The following EPHA5 variants were observed in gnomAD, a reference collection of about 807,000 sequenced individuals.
EPHA5 encodes the protein ephrin type-A receptor 5.
Under a neutral mutation model 105.0 loss-of-function variants are expected in EPHA5, and 60 were observed. The observed-to-expected ratio is 0.57, with a 90% CI of 0.46 to 0.71. EPHA5 has a LOEUF of 0.71. Among genes scored for constraint, EPHA5 ranks in the 30% least tolerant of loss-of-function variants. EPHA5 has a pLI of 0.00. For missense variants in EPHA5, 1,218 were observed against 1,274.7 expected (o/e 0.96, Z 0.68); for synonymous variants, 513 against 449.1 (o/e 1.14, Z -1.80).
chr4:65,456,649 CAAT>C (rs1038867057), intron 5 of EPHA5, among the ~76,000 whole-genome samples: 1 of 151,986 alleles, frequency 6.6e-6, no homozygotes, highest in African/African-American at 2.4e-5. Flanking sequence ...CATGAGAACA[CAAT>C]TATTTTAGTG....
intron 3 of EPHA5, among the ~76,000 whole-genome samples, chr4:65,595,299 T>C (rs946473138): frequency 1.3e-5 from 2 of 152,132 alleles, no homozygotes; most frequent in Non-Finnish European, 2.9e-5. Context: ...GATACAGGAA[T>C]TCTATAGGCT....
At chr4:65,392,041 A>C (rs1720766198) in intron 8 of EPHA5, among the ~76,000 whole-genome samples, 1 of 152,168 alleles carries the variant, frequency 6.6e-6, no homozygotes, top group Non-Finnish European at 1.5e-5. Flanking sequence ...CAATTGAGCC[A>C]GTAACCCTCT....
chr4:65,479,910 T>C (rs1302416185), intron 5 of EPHA5, among the ~76,000 whole-genome samples: 1 of 152,150 alleles, frequency 6.6e-6, no homozygotes, highest in African/African-American at 2.4e-5. Flanking sequence ...GGTTGCTCTT[T>C]AGTGTAGATA....
intron 2 of EPHA5, among the ~76,000 whole-genome samples, chr4:65,627,341 T>C (rs995497927): frequency 6.6e-6 from 1 of 152,214 alleles, no homozygotes; most frequent in Non-Finnish European, 1.5e-5. Flanking sequence ...CCCATTAATA[T>C]ATTAAAAGTT....
In EPHA5 at chr4:65,574,160, C is replaced by T. The variant is rs187995090; in HGVS notation, c.910+27481G>A. 36 of 1,606,624 alleles carry T rather than the reference C, an allele frequency of 2.2e-5. No homozygotes were observed. In the African/African-American group the frequency reaches 3.9e-4, roughly 17 times the overall value. ...CCAGACACCAGGAAGGTGAGATCTT[C>T]GACACAGAAAAAGGGAAATATGAGA... On this transcript the variant is annotated intron_variant, in intron 3 of 16. Coordinates refer to ENST00000613740, the MANE Select transcript of EPHA5 (RefSeq NM_001281766.3).
intron 5 of EPHA5, among the ~76,000 whole-genome samples, chr4:65,453,194 TA>T (rs1268097811): frequency 1.1e-4 from 16 of 152,178 alleles, no homozygotes; most frequent in African/African-American, 3.6e-4. Context: ...AAATATTCAA[TA>T]AAAATAATAT....
intron 7 of EPHA5, among the ~76,000 whole-genome samples, chr4:65,406,152 TA>T (rs1255284228): frequency 3.3e-5 from 5 of 152,328 alleles, no homozygotes; most frequent in African/African-American, 1.2e-4. Context: ...TGCTGCCTTA[TA>T]AACTACTCTG....
At chr4:65,414,158 G>T (rs896477653) in intron 7 of EPHA5, 126 bp downstream of exon 7, 3 of 819,284 alleles carry the variant, frequency 3.7e-6, no homozygotes, top group Admixed American at 4.2e-5. Context: ...TACCTGAAGG[G>T]GTCATGCCTG....
chr4:65,405,150 T>C (rs1722239973), intron 7 of EPHA5, among the ~76,000 whole-genome samples: 2 of 152,192 alleles, frequency 1.3e-5, no homozygotes, highest in Admixed American at 1.3e-4. Flanking sequence ...TACATAGATT[T>C]AGATGAAACA....
chr4:65,563,768 A>G (rs539412940), intron 3 of EPHA5, among the ~76,000 whole-genome samples: 1 of 152,154 alleles, frequency 6.6e-6, no homozygotes, highest in South Asian at 2.1e-4. Context: ...GAGGAAAATA[A>G]AGCTATTTTT....
chr4:65,576,085 AAAG>A lies in EPHA5; in HGVS notation c.910+25553_910+25555del, dbSNP rs1257925074. Reference sequence around the variant, plus strand: ...AAAGAAAAGAAAAGAAAAGAAAAGAAAAGAAAAGAAAAGAAAAGAAAAGAAAAG... The same window carrying A: ...AAAGAAAAGAAAAGAAAAGAAAAGAAAAAAGAAAAGAAAAGAAAAGAAAAG... On this transcript the variant is annotated intron_variant, in intron 3 of 16. Coordinates refer to ENST00000613740, the MANE Select transcript of EPHA5 (RefSeq NM_001281766.3). 8.8e-4 allele frequency among the ~76,000 whole-genome samples: 90 copies of A among 101,730 alleles called. 2 individuals carry two copies. Among genetic ancestry groups the A allele is most frequent in the African/African-American group, 2.3e-3 (67 of 28,596 alleles). The allele number at this position is 101,730 out of a possible 152,430, so 66.7% of individuals were successfully genotyped here.
intron 1 of EPHA5, among the ~76,000 whole-genome samples, chr4:65,657,506 G>A (rs78351125): frequency 0.073 from 11,081 of 152,092 alleles, 1,326 homozygotes; most frequent in African/African-American, 0.25. Context: ...CTCATTATAC[G>A]TCTAGCAAAT....
rs544276177 is a variant in EPHA5 at position 65,408,746 on chromosome 4, T to C, written c.1688-4267A>G. On this transcript the variant is annotated intron_variant, in intron 7 of 16. Coordinates refer to ENST00000613740, the MANE Select transcript of EPHA5 (RefSeq NM_001281766.3). Reference sequence around the variant, plus strand: ...AACACTTTTACACTGTTGGGGGGACTGTAAACTAGTTCAACCATTGTGGAA... The same window carrying C: ...AACACTTTTACACTGTTGGGGGGACCGTAAACTAGTTCAACCATTGTGGAA... Among the ~76,000 whole-genome samples, 11 of 152,082 alleles carry C rather than the reference T, an allele frequency of 7.2e-5. No individual in the cohort carries two copies. The South Asian group carries it at 2.3e-3, about 32-fold the overall frequency.
chr4:65,390,888 G>A lies in EPHA5; in HGVS notation c.1793+13486C>T, dbSNP rs1001201010. On this transcript the variant is annotated intron_variant, in intron 8 of 16. Coordinates refer to ENST00000613740, the MANE Select transcript of EPHA5 (RefSeq NM_001281766.3). ...AGAGACAGTACGGGAATTTTGGTAAGCAAAATAATTGGTGTATTAGTTTGT... is the reference window on the plus strand; with the variant it reads ...AGAGACAGTACGGGAATTTTGGTAAACAAAATAATTGGTGTATTAGTTTGT... Among the ~76,000 whole-genome samples the A allele has an allele frequency of 8.5e-5, 13 of 152,124 alleles. No individual in the cohort carries two copies. In the South Asian group the frequency reaches 1.5e-3, roughly 17 times the overall value.
chr4:65,621,375 C>T (rs984010856), intron 2 of EPHA5, among the ~76,000 whole-genome samples: 1 of 152,068 alleles, frequency 6.6e-6, no homozygotes, highest in Non-Finnish European at 1.5e-5. Flanking sequence ...GACTACAATC[C>T]TTTTGAATAT....
intron 5 of EPHA5, among the ~76,000 whole-genome samples, chr4:65,463,634 T>C (rs1271183929): frequency 6.6e-6 from 1 of 152,108 alleles, no homozygotes; most frequent in African/African-American, 2.4e-5. Context: ...CTTTAACAAG[T>C]ACCTCATTTT....
rs574477189 is a variant in EPHA5, at chr4:65,506,470, T to C, written c.911-10927A>G. ...AAGCAGTTTACAGTCCCACCAACAG[T>C]GTAAAAGTGTTCCTATTTCTCCGCA... On this transcript the variant is annotated intron_variant, in intron 3 of 16. Coordinates refer to ENST00000613740, the MANE Select transcript of EPHA5 (RefSeq NM_001281766.3). Among the ~76,000 whole-genome samples, 60 of 145,362 alleles carry C rather than the reference T, an allele frequency of 4.1e-4. 12 individuals are homozygous for C. Among genetic ancestry groups the C allele is most frequent in the African/African-American group, 1.4e-3 (57 of 39,390 alleles).
Position 65,497,881 on chromosome 4 carries a change from T to C in EPHA5, c.911-2338A>G, listed in dbSNP as rs141626108. Among the ~76,000 whole-genome samples, 276 of 152,130 alleles carry C rather than the reference T, an allele frequency of 1.8e-3. 3 individuals carry two copies. Among genetic ancestry groups the C allele is most frequent in the African/African-American group, 6.3e-3 (263 of 41,548 alleles). ...AGGTATAGTGGGCCAGTAACTCTAC[T>C]TGAACTGGCTTCAGAGGTAAATGTG... On this transcript the variant is annotated intron_variant, in intron 3 of 16. Coordinates refer to ENST00000613740, the MANE Select transcript of EPHA5 (RefSeq NM_001281766.3).
intron 1 of EPHA5, among the ~76,000 whole-genome samples, chr4:65,643,851 T>G (rs1473915991): frequency 1.3e-5 from 2 of 152,040 alleles, no homozygotes; most frequent in African/African-American, 2.4e-5. Context: ...AAAGCTGTTA[T>G]GCAGCAATTA....
Sources: allele counts gnomAD v4.1 joint callset (sites outside exome capture counted in the v4.1 genomes callset), GRCh38; gene constraint gnomAD v4.1.1; transcripts MANE v1.5; gene names NCBI Gene and HGNC (gene_info 2026-07-23, HGNC 2026-07-21).